Variants in SKAP1 observed in about 807,000 individuals in gnomAD.
SKAP1 encodes the protein src kinase-associated phosphoprotein 1.
SKAP1 carries 44 observed loss-of-function variants against 58.5 expected under a neutral mutation model. The ratio of observed to expected loss-of-function variants is 0.75; its 90% CI spans 0.59 to 0.97. SKAP1 has a LOEUF of 0.97. SKAP1 is among the 50% of genes least tolerant of loss of function. The probability of loss-of-function intolerance (pLI) is 0.00; values close to 1 mark genes in which losing one functional copy is unlikely to be tolerated. For missense variants in SKAP1, 390 were observed against 435.2 expected (o/e 0.90, Z 0.92); for synonymous variants, 127 against 149.7 (o/e 0.85, Z 1.11).
At position 48,184,885 on chromosome 17, in the gene SKAP1, T is replaced by A. The variant is rs757626235; in HGVS notation, c.443-38A>T. On this transcript the variant is annotated intron_variant, in intron 6 of 12. Coordinates refer to ENST00000336915, the MANE Select transcript of SKAP1 (RefSeq NM_003726.4). Reference sequence around the variant, plus strand: ...AAAGCTCCCTGTATCCCTAGAGAGATGCAACTGCCAAGGGAAGGCATCCTC... The same window carrying A: ...AAAGCTCCCTGTATCCCTAGAGAGAAGCAACTGCCAAGGGAAGGCATCCTC... 9 of 1,592,132 alleles carry A rather than the reference T, an allele frequency of 5.7e-6. No individual in the cohort carries two copies. In the South Asian group the frequency reaches 9.1e-5, roughly 16 times the overall value.
chr17:48,142,260 G>A (rs917059930), intron 11 of SKAP1, among the ~76,000 whole-genome samples: 3 of 152,114 alleles, frequency 2.0e-5, no homozygotes, highest in Admixed American at 1.3e-4. Context: ...TCAGGAGTTC[G>A]ACACCAGCCT....
intron 4 of SKAP1, among the ~76,000 whole-genome samples, chr17:48,329,445 C>G (rs2066477278): frequency 2.0e-5 from 3 of 152,334 alleles, no homozygotes; most frequent in Non-Finnish European, 1.5e-5. Flanking sequence ...TGGCTCACGC[C>G]TATAATCCCA....
At chr17:48,212,076 C>T (rs540709107) in intron 4 of SKAP1, among the ~76,000 whole-genome samples, 1 of 151,318 alleles carries the variant, frequency 6.6e-6, no homozygotes, top group South Asian at 2.1e-4. Context: ...CTCAGCTACA[C>T]CAGTAATACT....
At chr17:48,424,520 C>T (rs113439585) in intron 1 of SKAP1, among the ~76,000 whole-genome samples, 26,080 of 151,426 alleles carry the variant, frequency 0.17, 2,301 homozygotes, top group Non-Finnish European at 0.19. Flanking sequence ...CCACCGCGCC[C>T]GGCCCTCTGG....
chr17:48,241,308 C>G (rs1348453966), intron 4 of SKAP1, among the ~76,000 whole-genome samples: 1 of 152,026 alleles, frequency 6.6e-6, no homozygotes, highest in Non-Finnish European at 1.5e-5. Context: ...CAGTGCTGCC[C>G]TGTGTCTCTG....
intron 6 of SKAP1, 140 bp downstream of exon 6, chr17:48,187,703 T>C (rs2143510325): frequency 1.7e-6 from 1 of 584,316 alleles, no homozygotes; most frequent in Non-Finnish European, 3.0e-6. Flanking sequence ...GTATTATTTG[T>C]CCATGCCAAT....
At chr17:48,428,199 A>G (rs140580572) in intron 1 of SKAP1, among the ~76,000 whole-genome samples, 19 of 152,268 alleles carry the variant, frequency 1.2e-4, no homozygotes, top group African/African-American at 4.6e-4. Flanking sequence ...TAAAAAAAAA[A>G]GCCTTAAAGA....
upstream of SKAP1, among the ~76,000 whole-genome samples, chr17:48,433,506 C>T (rs1443797754): frequency 2.0e-5 from 3 of 152,194 alleles, no homozygotes; most frequent in African/African-American, 7.2e-5. Context: ...TTCTTCCCGT[C>T]CCCCCCAGAC....
chr17:48,441,832 T>C, the SKAP1 span, among the ~76,000 whole-genome samples: 1 of 152,212 alleles, frequency 6.6e-6, no homozygotes, highest in African/African-American at 2.4e-5. Context: ...TCTTTCCTTT[T>C]TATTAAAGGA....
intron 4 of SKAP1, among the ~76,000 whole-genome samples, chr17:48,212,518 C>T (rs1016350903): frequency 1.3e-5 from 2 of 152,146 alleles, no homozygotes; most frequent in African/African-American, 2.4e-5. Flanking sequence ...AATGTTAGTA[C>T]TAATTTCACA....
intron 11 of SKAP1, among the ~76,000 whole-genome samples, chr17:48,152,746 G>A (rs889567861): frequency 6.6e-6 from 1 of 152,170 alleles, no homozygotes; most frequent in Non-Finnish European, 1.5e-5. Flanking sequence ...TTTATTCTGT[G>A]CAGTATTGGA....
chr17:48,260,759 T>C (rs1204766933), intron 4 of SKAP1, among the ~76,000 whole-genome samples: 2 of 152,144 alleles, frequency 1.3e-5, no homozygotes, highest in Non-Finnish European at 2.9e-5. Context: ...AACGTCCAGA[T>C]CAAAGCTTTT....
chr17:48,190,552 G>A (rs2064527002), intron 4 of SKAP1, among the ~76,000 whole-genome samples: 1 of 152,078 alleles, frequency 6.6e-6, no homozygotes, highest in Non-Finnish European at 1.5e-5. Context: ...ACCTAAGAGG[G>A]AGCAATAAAT....
intron 1 of SKAP1, among the ~76,000 whole-genome samples, chr17:48,406,864 C>A (rs1302986217): frequency 2.0e-5 from 3 of 152,050 alleles, no homozygotes; most frequent in African/African-American, 7.2e-5. Context: ...CTGTGCCCAA[C>A]CAATTTTTAA....
chr17:48,382,232 G>T (rs933338162), intron 2 of SKAP1: 12 of 151,508 alleles, frequency 7.9e-5, no homozygotes, highest in African/African-American at 2.9e-4. Context: ...AGCATTAGGA[G>T]ATATACCTAA....
At chr17:48,206,205 C>T (rs2064807681) in intron 4 of SKAP1, among the ~76,000 whole-genome samples, 1 of 152,164 alleles carries the variant, frequency 6.6e-6, no homozygotes, top group African/African-American at 2.4e-5. Context: ...TGAAGAAAGT[C>T]AAGGCATTTG....
At chr17:48,212,461 A>G (rs1410833269) in intron 4 of SKAP1, among the ~76,000 whole-genome samples, 3 of 152,122 alleles carry the variant, frequency 2.0e-5, no homozygotes, top group Admixed American at 6.6e-5. Flanking sequence ...AACATATAAG[A>G]CCACTGGAGT....
chr17:48,240,615 C>G (rs1035640223), intron 4 of SKAP1, among the ~76,000 whole-genome samples: 3 of 152,162 alleles, frequency 2.0e-5, no homozygotes, highest in African/African-American at 7.2e-5. Flanking sequence ...TGAGAAGAAC[C>G]TAGTAAAGTG....
At position 48,298,942 on chromosome 17, in the gene SKAP1, G is replaced by A. The variant is rs78821525; in HGVS notation, c.280+46963C>T. Among the ~76,000 whole-genome samples the A allele has an allele frequency of 5.8e-3, 885 of 152,304 alleles. 4 individuals are homozygous for A. Among genetic ancestry groups the A allele is most frequent in the Admixed American group, 0.011 (161 of 15,296 alleles). On this transcript the variant is annotated intron_variant, in intron 4 of 12. Transcript: ENST00000336915. ...ATCTGATAAAAATGTTTAATATTCA[G>A]TGGTATGGCAGGCGTGGGGGAAATT...
Sources: allele counts gnomAD v4.1 joint callset (sites outside exome capture counted in the v4.1 genomes callset), GRCh38; gene constraint gnomAD v4.1.1; transcripts MANE v1.5; gene names NCBI Gene and HGNC (gene_info 2026-07-23, HGNC 2026-07-21).